The following BPIFB3 variants were observed in gnomAD, a reference collection of about 807,000 sequenced individuals.
The protein encoded by BPIFB3 is BPI fold containing family B member 3, also known as BPI fold-containing family B member 3.
In BPIFB3, 49 loss-of-function variants were observed where a neutral mutation model predicts 53.1. The observed-to-expected ratio is 0.92, with a 90% CI of 0.73 to 1.17. The LOEUF is 1.17. Ranked by LOEUF, BPIFB3 falls within the 50% of genes most tolerant of loss-of-function variation. The pLI, the probability that BPIFB3 is intolerant of heterozygous loss-of-function variation, is 0.00. For missense variants in BPIFB3, 628 were observed against 592.5 expected (o/e 1.06, Z -0.62); for synonymous variants, 271 against 269.6 (o/e 1.01, Z -0.05).
At chr20:33,060,896 G>A (rs1222800369) in intron 4 of BPIFB3, among the ~76,000 whole-genome samples, 1 of 152,152 alleles carries the variant, frequency 6.6e-6, no homozygotes, top group African/African-American at 2.4e-5. Context: ...GACCATGGAG[G>A]CCCAGAGGTC....
intron 2 of BPIFB3, 52 bp downstream of exon 3, chr20:33,056,750 G>T (rs777500949): frequency 6.0e-6 from 9 of 1,506,298 alleles, no homozygotes; most frequent in Middle Eastern, 3.6e-4. Flanking sequence ...TTGCTTCCAG[G>T]AATTGAGGAG....
chr20:33,059,309 G>C, intron 2 of BPIFB3, 69 bp from the exon 4 acceptor site: 3 of 1,194,116 alleles, frequency 2.5e-6, no homozygotes, highest in Non-Finnish European at 3.6e-6. Context: ...ACCACCAAGA[G>C]CCACTCTGGG....
intron 8 of BPIFB3, among the ~76,000 whole-genome samples, chr20:33,066,187 T>C (rs989363290): frequency 4.6e-5 from 7 of 152,062 alleles, no homozygotes; most frequent in African/African-American, 1.7e-4. Context: ...GGCTGGGCCA[T>C]CAGTTAGCAG....
rs768279132 is a variant in BPIFB3 at position 33,063,597 on chromosome 20, T to C, written c.592-18T>C. On this transcript the variant is annotated intron_variant, in intron 5 of 14. Coordinates refer to ENST00000375494, the Ensembl canonical transcript of BPIFB3. ...GTGAGCTCTTCTTTGCCCTGTAACA[T>C]GTGTCTCCCTGACACAGCTGTGCCC... is the stretch of plus-strand genomic sequence containing the variant. 2 of 1,613,554 alleles carry C rather than the reference T, an allele frequency of 1.2e-6. No homozygotes were observed. Among genetic ancestry groups the C allele is most frequent in the South Asian group, 1.1e-5 (1 of 91,018 alleles).
At chr20:33,069,064 T>C in intron 10 of BPIFB3, 91 bp downstream of exon 11, 1 of 1,417,374 alleles carries the variant, frequency 7.1e-7, no homozygotes, top group Non-Finnish European at 9.5e-7. Context: ...GTCCCCCTGA[T>C]TTCAGGGTGG....
exon 9 of BPIFB3, chr20:33,066,838 C>A: frequency 6.2e-7 from 1 of 1,614,182 alleles, no homozygotes; most frequent in Non-Finnish European, 8.5e-7. Context: ...CCAGCGATGT[C>A]CCACTGACAA....
chr20:33,071,775 C>T (rs1428253582), intron 12 of BPIFB3, among the ~76,000 whole-genome samples: 4 of 152,194 alleles, frequency 2.6e-5, no homozygotes, highest in African/African-American at 9.6e-5. Context: ...AGGTCAGACC[C>T]CATAGACTGG....
chr20:33,068,999 GC>G, intron 10 of BPIFB3, 26 bp downstream of exon 11: 1 of 1,601,730 alleles, frequency 6.2e-7, no homozygotes, highest in Non-Finnish European at 8.5e-7. Context: ...GTGGCTGGGG[GC>G]CCGGCATTGG....
chr20:33,060,048 C>T lies in BPIFB3; in HGVS notation c.527+17C>T, dbSNP rs1216072801. The T allele has an allele frequency of 6.2e-7, 1 of 1,612,592 alleles. No individual in the cohort carries two copies. Among genetic ancestry groups the T allele is most frequent in the East Asian group, 2.2e-5 (1 of 44,866 alleles). On this transcript the variant is annotated intron_variant, in intron 4 of 14. Coordinates refer to ENST00000375494, the Ensembl canonical transcript of BPIFB3. ...GTTCTCAGGGTGAGTCTGCAGGTTCCAGCCTGCAACCCTGACCCGCTCAGG... is the reference window on the plus strand; with the variant it reads ...GTTCTCAGGGTGAGTCTGCAGGTTCTAGCCTGCAACCCTGACCCGCTCAGG...
chr20:33,072,095 C>A lies in BPIFB3; in HGVS notation c.1261-9C>A, dbSNP rs1177181563. ...CACCACCCCCACCACCCTGTGTGTT[C>A]TGTTGCAGGGATCGCGTTTAGAAGA... On this transcript the variant is annotated splice_polypyrimidine_tract_variant and intron_variant, in intron 12 of 14. Transcript: ENST00000375494. The A allele has an allele frequency of 6.2e-7, 1 of 1,613,928 alleles. No individual in the cohort carries two copies. Among genetic ancestry groups the A allele is most frequent in the Non-Finnish European group, 8.5e-7 (1 of 1,179,902 alleles).
chr20:33,071,184 G>T, intron 11 of BPIFB3, 69 bp from the exon 13 acceptor site: 1 of 1,450,634 alleles, frequency 6.9e-7, no homozygotes, highest in Non-Finnish European at 9.4e-7. Flanking sequence ...CTATGGTGGG[G>T]CAGGCTGGGG....
chr20:33,073,218 A>G (rs888329740), intron 14 of BPIFB3, among the ~76,000 whole-genome samples: 2 of 152,204 alleles, frequency 1.3e-5, no homozygotes, highest in Non-Finnish European at 2.9e-5. Context: ...TGGCCTCACA[A>G]TCCTTTTCAA....
At chr20:33,058,493 G>C (rs1050159497) in intron 2 of BPIFB3, among the ~76,000 whole-genome samples, 1 of 152,122 alleles carries the variant, frequency 6.6e-6, no homozygotes, top group Non-Finnish European at 1.5e-5. Flanking sequence ...TACTCATGGG[G>C]TTGTTGCCAG....
intron 6 of BPIFB3, among the ~76,000 whole-genome samples, 168 bp from the exon 8 acceptor site, chr20:33,064,289 G>A (rs1980573533): frequency 6.6e-6 from 1 of 152,158 alleles, no homozygotes; most frequent in African/African-American, 2.4e-5. Flanking sequence ...GACTTCCCCT[G>A]TCTAAGCCTC....
At position 33,072,474 on chromosome 20, in the gene BPIFB3, G is replaced by A. The variant is rs190808483; in HGVS notation, c.1325-243G>A. ...AATATAGATGACCCAGAGTGTGTAAGGGATTGATGAAGCCTTTAGGAGGCT... is the reference window on the plus strand; with the variant it reads ...AATATAGATGACCCAGAGTGTGTAAAGGATTGATGAAGCCTTTAGGAGGCT... On this transcript the variant is annotated intron_variant, in intron 13 of 14. Coordinates refer to ENST00000375494, the Ensembl canonical transcript of BPIFB3. Among the ~76,000 whole-genome samples, 11 of 152,308 alleles carry A rather than the reference G, an allele frequency of 7.2e-5. No homozygotes were observed. In the East Asian group the frequency reaches 2.1e-3, roughly 29 times the overall value.
At chr20:33,055,332 C>A, upstream of BPIFB3, 1 of 1,557,070 alleles carries the variant, frequency 6.4e-7, no homozygotes, top group South Asian at 1.2e-5. Context: ...GCCAGGTGGG[C>A]AGGAAGGGGG....
At chr20:33,073,516 T>G in intron 14 of BPIFB3, 60 bp from the exon 16 acceptor site, 10 of 1,598,372 alleles carry the variant, frequency 6.3e-6, no homozygotes, top group Non-Finnish European at 8.6e-6. Flanking sequence ...TAAAGATGGC[T>G]GCAGGGATGG....
At chr20:33,069,024 G>T (rs778701479) in intron 10 of BPIFB3, 51 bp downstream of exon 11, 1 of 1,581,918 alleles carries the variant, frequency 6.3e-7, no homozygotes, top group Non-Finnish European at 8.6e-7. Flanking sequence ...TCCAAATGGG[G>T]GTGACTGTCT....
chr20:33,065,517 A>C lies in BPIFB3; in HGVS notation c.924+672A>C, dbSNP rs141041066. On this transcript the variant is annotated intron_variant, in intron 8 of 14. Transcript: ENST00000375494. Reference sequence around the variant, plus strand: ...CAGAATGAGACCTTGTCTCAGAAAAAGAGAAAGAAGGAAGGAAGGAAGGAA... The same window carrying C: ...CAGAATGAGACCTTGTCTCAGAAAACGAGAAAGAAGGAAGGAAGGAAGGAA... Among the ~76,000 whole-genome samples, 578 of 151,610 alleles carry C rather than the reference A, an allele frequency of 3.8e-3. 1 individual carries two copies. The highest frequency in any genetic ancestry group is 6.5e-3 in the Non-Finnish European group (438 of 67,846).
Sources: allele counts gnomAD v4.1 joint callset (sites outside exome capture counted in the v4.1 genomes callset), GRCh38; gene constraint gnomAD v4.1.1; transcripts MANE v1.5; gene names NCBI Gene and HGNC (gene_info 2026-07-23, HGNC 2026-07-21).